GPC6: variants seen among roughly 807,000 people sequenced by gnomAD.
GPC6 encodes the protein glypican 6, also known as glypican-6.
A neutral mutation model predicts 55.2 loss-of-function variants in GPC6; 14 were observed. The ratio of observed to expected loss-of-function variants is 0.25; its 90% confidence interval spans 0.17 to 0.40. The LOEUF (loss-of-function observed/expected upper bound fraction) is 0.40, where lower values mean the gene tolerates loss of function less well. Among genes scored for constraint, GPC6 ranks in the 10% least tolerant of loss-of-function variants. The pLI is 1.00. For synonymous variants in GPC6, 278 were observed against 259.6 expected (o/e 1.07, Z -0.68); for missense variants, 641 against 708.5 (o/e 0.90, Z 1.08).
intron 7 of GPC6, among the ~76,000 whole-genome samples, chr13:94,387,763 T>A (rs1880474288): frequency 9.1e-6 from 1 of 110,168 alleles, no homozygotes; most frequent in Admixed American, 9.2e-5. Flanking sequence ...TCTCTCTCTC[T>A]CTGCCGTGTG....
intron 4 of GPC6, among the ~76,000 whole-genome samples, chr13:94,266,788 A>C (rs746769971): frequency 6.6e-6 from 1 of 152,236 alleles, no homozygotes; most frequent in Non-Finnish European, 1.5e-5. Flanking sequence ...TATATCTCAC[A>C]GGTACTCAGC....
At chr13:93,228,134 C>A (rs371010478) in intron 1 of GPC6, among the ~76,000 whole-genome samples, 1 of 152,130 alleles carries the variant, frequency 6.6e-6, no homozygotes, top group African/African-American at 2.4e-5. Context: ...ATCCGTCCTT[C>A]GGGCGACAGA....
intron 1 of GPC6, among the ~76,000 whole-genome samples, chr13:93,294,539 C>T (rs1480826395): frequency 6.6e-6 from 1 of 152,124 alleles, no homozygotes; most frequent in Non-Finnish European, 1.5e-5. Flanking sequence ...CATGCATTTC[C>T]TTCTTCTGTT....
intron 2 of GPC6, among the ~76,000 whole-genome samples, chr13:93,774,407 A>G (rs538171807): frequency 6.6e-6 from 1 of 152,298 alleles, no homozygotes; most frequent in Admixed American, 6.5e-5. Flanking sequence ...ACCATATCAC[A>G]AAGTATCTTA....
chr13:93,691,366 A>G (rs1384324183), intron 2 of GPC6, among the ~76,000 whole-genome samples: 1 of 151,840 alleles, frequency 6.6e-6, no homozygotes, highest in Non-Finnish European at 1.5e-5. Flanking sequence ...TGTGACTACA[A>G]TTGCAAGCCA....
chr13:93,931,584 C>T (rs1878178415), intron 3 of GPC6, among the ~76,000 whole-genome samples: 1 of 151,572 alleles, frequency 6.6e-6, no homozygotes, highest in Admixed American at 6.6e-5. Flanking sequence ...ACCAACATGG[C>T]GAAACCCCGT....
At chr13:93,719,039 T>C in intron 2 of GPC6, among the ~76,000 whole-genome samples, 1 of 152,084 alleles carries the variant, frequency 6.6e-6, no homozygotes, top group African/African-American at 2.4e-5. Flanking sequence ...TCTGTTCTTT[T>C]TGCTTAGGAC....
chr13:94,077,675 A>G (rs1884963887), intron 4 of GPC6, among the ~76,000 whole-genome samples: 2 of 151,844 alleles, frequency 1.3e-5, no homozygotes, highest in African/African-American at 4.8e-5. Flanking sequence ...ATTTTTCATT[A>G]TAAAAGGGCA....
chr13:93,931,740 G>A (rs1446570705), intron 3 of GPC6, among the ~76,000 whole-genome samples: 1 of 147,864 alleles, frequency 6.8e-6, no homozygotes, highest in African/African-American at 2.5e-5. Context: ...CTCCAGCCTG[G>A]GAGACAGAGC....
chr13:93,331,869 T>C (rs1256757221), intron 1 of GPC6, among the ~76,000 whole-genome samples: 1 of 152,074 alleles, frequency 6.6e-6, no homozygotes, highest in African/African-American at 2.4e-5. Flanking sequence ...TTCTCCCCTC[T>C]ACTCTCCCCA....
intron 2 of GPC6, among the ~76,000 whole-genome samples, chr13:93,761,744 A>G (rs894342084): frequency 6.6e-5 from 10 of 152,166 alleles, no homozygotes; most frequent in Non-Finnish European, 5.9e-5. Context: ...ATTTTTAATG[A>G]AAAATTATTA....
chr13:93,668,643 G>C (rs965392457), intron 2 of GPC6, among the ~76,000 whole-genome samples: 2 of 152,176 alleles, frequency 1.3e-5, no homozygotes, highest in Non-Finnish European at 2.9e-5. Flanking sequence ...GCAGACATTA[G>C]AGTGGTGCAG....
chr13:93,893,460 A>G (rs1875811198), intron 3 of GPC6, among the ~76,000 whole-genome samples: 3 of 152,138 alleles, frequency 2.0e-5, no homozygotes, highest in Admixed American at 2.0e-4. Context: ...CAATCTATTA[A>G]TGCCTCTTTC....
At chr13:93,562,997 G>C (rs988392684) in intron 2 of GPC6, among the ~76,000 whole-genome samples, 1 of 152,140 alleles carries the variant, frequency 6.6e-6, no homozygotes, top group Non-Finnish European at 1.5e-5. Context: ...AATTACCTTG[G>C]AATGAAGTAT....
intron 4 of GPC6, among the ~76,000 whole-genome samples, chr13:94,259,637 A>G (rs1004837080): frequency 1.3e-5 from 2 of 152,188 alleles, no homozygotes; most frequent in Non-Finnish European, 2.9e-5. Flanking sequence ...CTCCGTGCCC[A>G]TTAAAAATAA....
chr13:93,921,843 G>A (rs1877591699), intron 3 of GPC6, among the ~76,000 whole-genome samples: 1 of 151,724 alleles, frequency 6.6e-6, no homozygotes, highest in Non-Finnish European at 1.5e-5. Context: ...CCCATTTAGG[G>A]CCACAGGTTT....
intron 1 of GPC6, among the ~76,000 whole-genome samples, chr13:93,413,542 GTGT>G (rs1876589066): frequency 6.7e-6 from 1 of 148,988 alleles, no homozygotes; most frequent in South Asian, 2.1e-4. Context: ...TTTTAAAATA[GTGT>G]TGTATTTTGT....
rs1346912866 is a variant in GPC6, at chr13:94,404,680, A to G, written c.*1463A>G. ...ATTGGTGTGCAGGGCTTTACCGGTG[A>G]TGGAAACTGTATGTGTAAAGAATGT... On this transcript the variant is annotated 3_prime_UTR_variant, in exon 9 of 9. Coordinates refer to ENST00000377047, the MANE Select transcript of GPC6 (RefSeq NM_005708.5). The G allele has an allele frequency of 6.6e-6, 1 of 152,226 alleles. No homozygotes were observed. The highest frequency in any genetic ancestry group is 1.5e-5 in the Non-Finnish European group (1 of 68,044). The allele number at this position is 152,226 out of a possible 1,614,324, so 9.4% of individuals were successfully genotyped here. A position where few individuals can be genotyped will look rare whatever the true frequency, so the allele number is the denominator to read the frequency against.
At chr13:94,160,317 G>C (rs1388413548) in intron 4 of GPC6, among the ~76,000 whole-genome samples, 1 of 152,080 alleles carries the variant, frequency 6.6e-6, no homozygotes, top group East Asian at 1.9e-4. Context: ...ATCCACCAAG[G>C]GTCTTGCAAT....
Sources: allele counts gnomAD v4.1 joint callset (sites outside exome capture counted in the v4.1 genomes callset), GRCh38; gene constraint gnomAD v4.1.1; transcripts MANE v1.5; gene names NCBI Gene and HGNC (gene_info 2026-07-23, HGNC 2026-07-21).